NECAB1: variants seen among roughly 807,000 people sequenced by gnomAD.
NECAB1 encodes the protein N-terminal EF-hand calcium-binding protein 1.
A neutral mutation model predicts 57.5 loss-of-function variants in NECAB1; 29 were observed. That is an observed-to-expected ratio of 0.50 (90% CI 0.38 to 0.69). The LOEUF is 0.69. Ranked by LOEUF, NECAB1 falls within the 30% of genes least tolerant of loss-of-function variation. The probability of loss-of-function intolerance (pLI) is 0.00; values close to 1 mark genes in which losing one functional copy is unlikely to be tolerated. For missense variants in NECAB1, 372 were observed against 413.8 expected, an observed-to-expected ratio of 0.90 and a Z score of 0.88; for synonymous variants, 142 against 147.7, an observed-to-expected ratio of 0.96 and a Z score of 0.28.
rs1479451025 is a variant in NECAB1 at position 90,959,010 on chromosome 8, C to G, written c.*3498C>G. On this transcript the variant is annotated 3_prime_UTR_variant, in exon 13 of 13. Coordinates refer to ENST00000417640, the MANE Select transcript of NECAB1 (RefSeq NM_022351.5). ...AAATTCATCTGTTCTTAAAATGCTA[C>G]TTAAAACTTTGGTTGTTTTCCTGTA... The G allele has an allele frequency of 1.4e-6, 2 of 1,411,074 alleles. No individual in the cohort carries two copies. Among genetic ancestry groups the G allele is most frequent in the East Asian group, 5.2e-5 (2 of 38,600 alleles). The allele number at this position is 1,411,074 out of a possible 1,614,324, so 87.4% of individuals were successfully genotyped here. A position where few individuals can be genotyped will look rare whatever the true frequency, so the allele number is the denominator to read the frequency against.
intron 4 of NECAB1, among the ~76,000 whole-genome samples, chr8:90,877,886 C>G (rs966960280): frequency 5.9e-5 from 9 of 152,190 alleles, no homozygotes; most frequent in Non-Finnish European, 1.0e-4. Context: ...ACTACACATA[C>G]TCCTGCAAAC....
At chr8:90,935,545 C>T (rs16906597) in intron 9 of NECAB1, among the ~76,000 whole-genome samples, 6,807 of 152,158 alleles carry the variant, frequency 0.045, 543 homozygotes, top group African/African-American at 0.15. Flanking sequence ...CGGATTTGTG[C>T]AGTCCCGGAG....
At chr8:90,823,478 T>G (rs1218457700) in intron 2 of NECAB1, among the ~76,000 whole-genome samples, 1 of 151,848 alleles carries the variant, frequency 6.6e-6, no homozygotes, top group Non-Finnish European at 1.5e-5. Flanking sequence ...TAATAAAAAT[T>G]CAAATTTCTT....
intron 10 of NECAB1, among the ~76,000 whole-genome samples, chr8:90,944,261 T>G (rs1360616351): frequency 1.3e-5 from 2 of 152,332 alleles, no homozygotes; most frequent in East Asian, 3.9e-4. Context: ...CTGTTCCAAT[T>G]ACAACAAGGT....
chr8:90,934,794 T>C (rs1165436694), intron 9 of NECAB1, among the ~76,000 whole-genome samples: 1 of 152,140 alleles, frequency 6.6e-6, no homozygotes, highest in Non-Finnish European at 1.5e-5. Context: ...GAAATAATTT[T>C]TCAAAGAATA....
chr8:90,885,664 T>C (rs1021094135), intron 5 of NECAB1, among the ~76,000 whole-genome samples: 1 of 152,166 alleles, frequency 6.6e-6, no homozygotes, highest in Admixed American at 6.5e-5. Flanking sequence ...ATCCTAAAGA[T>C]AATGAGATTT....
intron 8 of NECAB1, among the ~76,000 whole-genome samples, chr8:90,932,608 G>A (rs1327089411): frequency 6.6e-6 from 1 of 152,188 alleles, no homozygotes; most frequent in Non-Finnish European, 1.5e-5. Flanking sequence ...TTTAGGGATA[G>A]AGAATTTACA....
chr8:90,906,885 A>ATATGTGTATATATATATATATGTG (rs1554574058), intron 5 of NECAB1, among the ~76,000 whole-genome samples: 14 of 120,914 alleles, frequency 1.2e-4, no homozygotes, highest in African/African-American at 4.9e-4. Flanking sequence ...ACATATATAT[A>ATATGTGTATATATATATATATGTG]TATATATATA....
At chr8:90,894,135 T>C (rs1179193382) in intron 5 of NECAB1, among the ~76,000 whole-genome samples, 2 of 152,270 alleles carry the variant, frequency 1.3e-5, no homozygotes, top group African/African-American at 2.4e-5. Context: ...AAATATCATA[T>C]AAAGTGGACA....
intron 3 of NECAB1, among the ~76,000 whole-genome samples, chr8:90,831,090 G>A (rs1028168469): frequency 6.6e-6 from 1 of 152,094 alleles, no homozygotes; most frequent in African/African-American, 2.4e-5. Flanking sequence ...TCTTTTGATG[G>A]TGTTAGCTGT....
chr8:90,907,293 C>T (rs567034886), intron 5 of NECAB1, among the ~76,000 whole-genome samples: 1 of 151,970 alleles, frequency 6.6e-6, no homozygotes, highest in Non-Finnish European at 1.5e-5. Context: ...TGTCTAGATA[C>T]TCCTAAAATG....
chr8:90,931,143 A>G (rs1810395928), intron 8 of NECAB1, among the ~76,000 whole-genome samples: 1 of 152,118 alleles, frequency 6.6e-6, no homozygotes, highest in East Asian at 1.9e-4. Flanking sequence ...CTAAAAGTAC[A>G]ATGTGATGGT....
chr8:90,849,061 C>A (rs1812628347), intron 3 of NECAB1, among the ~76,000 whole-genome samples: 5 of 152,180 alleles, frequency 3.3e-5, no homozygotes, highest in Admixed American at 3.3e-4. Context: ...ATGTCCCTCC[C>A]ATGACATATG....
chr8:90,805,987 G>A (rs961936168), intron 2 of NECAB1, among the ~76,000 whole-genome samples: 12 of 152,040 alleles, frequency 7.9e-5, no homozygotes, highest in Admixed American at 3.9e-4. Flanking sequence ...CTGCTTCTAC[G>A]AGTTCAACTT....
chr8:90,798,920 A>G (rs1258575422), intron 1 of NECAB1, among the ~76,000 whole-genome samples: 1 of 152,192 alleles, frequency 6.6e-6, no homozygotes, highest in Non-Finnish European at 1.5e-5. Flanking sequence ...CACCAACTGT[A>G]TATAGGCATT....
chr8:90,876,623 T>C (rs374079559), intron 4 of NECAB1, among the ~76,000 whole-genome samples: 5 of 152,064 alleles, frequency 3.3e-5, no homozygotes, highest in Non-Finnish European at 7.4e-5. Context: ...AGTTTGGTAA[T>C]GCAACACCAC....
intron 1 of NECAB1, 58 bp from the exon 2 acceptor site, chr8:90,801,633 C>T (rs539499476): frequency 1.2e-5 from 12 of 1,028,588 alleles, no homozygotes; most frequent in African/African-American, 3.3e-5. Context: ...GTAAGTGTAA[C>T]GTTCGTTGCA....
intron 10 of NECAB1, among the ~76,000 whole-genome samples, chr8:90,944,263 C>T (rs1810745384): frequency 6.6e-6 from 1 of 152,196 alleles, no homozygotes; most frequent in Non-Finnish European, 1.5e-5. Flanking sequence ...GTTCCAATTA[C>T]AACAAGGTCT....
At chr8:90,920,905 C>T (rs184781633) in intron 6 of NECAB1, among the ~76,000 whole-genome samples, 2 of 152,176 alleles carry the variant, frequency 1.3e-5, no homozygotes, top group Admixed American at 1.3e-4. Context: ...GAGTGCTACA[C>T]AGGAGCAGTT....
Sources: gnomAD v4.1 joint callset for allele counts (sites outside exome capture counted in the v4.1 genomes callset) on GRCh38, gnomAD v4.1.1 for gene constraint, MANE v1.5 for transcripts, NCBI Gene and HGNC (gene_info 2026-07-23, HGNC 2026-07-21) for gene names.